The following NAV2 variants were observed in gnomAD, a reference collection of about 807,000 sequenced individuals.
NAV2 encodes helicase, APC down-regulated 1.
In NAV2, 54 loss-of-function variants were observed where a neutral mutation model predicts 223.2. The ratio of observed to expected loss-of-function variants is 0.24; its 90% confidence interval spans 0.19 to 0.30. NAV2 has a LOEUF of 0.30. Among genes scored for constraint, NAV2 ranks in the 10% least tolerant of loss-of-function variants. The pLI is 1.00. For synonymous variants in NAV2, 1,279 were observed against 1,239.3 expected (o/e 1.03, Z -0.67); for missense variants, 2,806 against 3,147.5 (o/e 0.89, Z 2.60).
chr11:19,445,601 A>G (rs1849330806), intron 1 of NAV2, among the ~76,000 whole-genome samples: 2 of 152,200 alleles, frequency 1.3e-5, no homozygotes, highest in Non-Finnish European at 1.5e-5. Context: ...CTCTCGAGCC[A>G]CATCCATTTG....
intron 11 of NAV2, among the ~76,000 whole-genome samples, chr11:20,019,689 T>C (rs886891964): frequency 1.3e-5 from 2 of 151,796 alleles, no homozygotes; most frequent in East Asian, 1.9e-4. Flanking sequence ...CCTAGGAGAT[T>C]GAGAAGCGCA....
At chr11:20,069,303 G>T (rs561688256) in intron 22 of NAV2, among the ~76,000 whole-genome samples, 1 of 152,224 alleles carries the variant, frequency 6.6e-6, no homozygotes, top group South Asian at 2.1e-4. Flanking sequence ...AGTGTCTATG[G>T]CTTGGATGTG....
At chr11:19,679,211 A>G (rs1226833942) in intron 1 of NAV2, among the ~76,000 whole-genome samples, 3 of 152,246 alleles carry the variant, frequency 2.0e-5, no homozygotes, top group Non-Finnish European at 4.4e-5. Context: ...CGGGTGGATC[A>G]CCTGACGTCA....
At chr11:20,028,181 G>T (rs928743212) in intron 11 of NAV2, among the ~76,000 whole-genome samples, 4 of 152,176 alleles carry the variant, frequency 2.6e-5, no homozygotes, top group Admixed American at 2.6e-4. Context: ...CATGATTTAT[G>T]CTTCTTTCAC....
chr11:19,892,478 C>T lies in NAV2; in HGVS notation c.815C>T (p.Ala272Val), dbSNP rs140335443. The change falls in exon 6 of 38, where the codon GCC becomes GTC. Residue 272 changes from alanine to valine, a missense_variant. Ala to Val is a moderately conservative substitution (Grantham distance 64, BLOSUM62 0). Transcript: ENST00000349880. ...AGGGTATCCGCTGCAGGCAGCGAGG[C>T]CAAAACACGCGGAGGGTCAACTACT... ...TARVSAAGSEAKTRGGSTTAN... is the reference protein window; with the variant it reads ...TARVSAAGSEVKTRGGSTTAN... 1.9e-6 allele frequency: 3 copies of T among 1,614,124 alleles called. No homozygotes were observed. The highest frequency in any genetic ancestry group is 2.5e-6 in the Non-Finnish European group (3 of 1,179,992).
intron 1 of NAV2, among the ~76,000 whole-genome samples, chr11:19,501,909 A>T (rs1038323446): frequency 3.3e-5 from 5 of 152,164 alleles, no homozygotes; most frequent in Non-Finnish European, 7.3e-5. Context: ...TCAGGCAGAC[A>T]AAAAGATGCT....
Position 20,095,778 on chromosome 11 carries a change from C to T in NAV2, c.6012+11C>T, listed in dbSNP as rs369196967. The T allele has an allele frequency of 1.2e-6, 2 of 1,604,044 alleles. No individual in the cohort carries two copies. Among genetic ancestry groups the T allele is most frequent in the Non-Finnish European group, 1.7e-6 (2 of 1,170,816 alleles). On this transcript the variant is annotated intron_variant, in intron 30 of 37. Transcript: ENST00000349880. ...AGACGGCTGTTCAAAGTAAGTGTTT[C>T]AAGACAACGGCTACAGCATACTACC... is the stretch of plus-strand genomic sequence containing the variant.
At chr11:19,515,136 A>G (rs565839336) in intron 1 of NAV2, among the ~76,000 whole-genome samples, 1 of 152,348 alleles carries the variant, frequency 6.6e-6, no homozygotes, top group African/African-American at 2.4e-5. Flanking sequence ...GAATGGATGG[A>G]GTGGTAGAGG....
chr11:19,706,855 C>T (rs1230311745), intron 1 of NAV2, among the ~76,000 whole-genome samples: 1 of 152,130 alleles, frequency 6.6e-6, no homozygotes, highest in Non-Finnish European at 1.5e-5. Flanking sequence ...TCATAGAGTA[C>T]ATTTTCACAA....
intron 5 of NAV2, among the ~76,000 whole-genome samples, chr11:19,886,578 G>A (rs75041274): frequency 0.016 from 2,418 of 152,348 alleles, 29 homozygotes; most frequent in Non-Finnish European, 0.025. Flanking sequence ...ACATACATAG[G>A]AAAGGAAAGG....
intron 6 of NAV2, among the ~76,000 whole-genome samples, chr11:19,911,292 G>C (rs2043293987): frequency 6.6e-6 from 1 of 152,160 alleles, no homozygotes; most frequent in South Asian, 2.1e-4. Flanking sequence ...GAGTCAGGAA[G>C]ATATCCTGGA....
chr11:19,951,452 T>C (rs142454534), intron 10 of NAV2, among the ~76,000 whole-genome samples: 1,975 of 152,336 alleles, frequency 0.013, 24 homozygotes, highest in South Asian at 0.029. Flanking sequence ...TTTCACATAA[T>C]GTAATCTTTG....
intron 1 of NAV2, among the ~76,000 whole-genome samples, chr11:19,611,280 G>C (rs1214605565): frequency 6.6e-6 from 1 of 152,152 alleles, no homozygotes; most frequent in African/African-American, 2.4e-5. Flanking sequence ...TACATTTCAA[G>C]TTGAGATTTT....
intron 1 of NAV2, among the ~76,000 whole-genome samples, chr11:19,398,995 T>C (rs1440728668): frequency 6.6e-6 from 1 of 152,224 alleles, no homozygotes; most frequent in East Asian, 1.9e-4. Flanking sequence ...GTTTGCCTAT[T>C]GGCTCTTTTG....
chr11:20,046,009 G>A (rs2057385403), intron 14 of NAV2, among the ~76,000 whole-genome samples: 1 of 152,158 alleles, frequency 6.6e-6, no homozygotes, highest in Non-Finnish European at 1.5e-5. Flanking sequence ...ATACATCTTT[G>A]TAGCTGTGTC....
At chr11:19,492,213 C>T (rs530788918) in intron 1 of NAV2, among the ~76,000 whole-genome samples, 2 of 151,732 alleles carry the variant, frequency 1.3e-5, no homozygotes, top group African/African-American at 4.8e-5. Context: ...GAAGTGAGCA[C>T]ATGCTATTGG....
At chr11:19,420,224 C>T (rs1227833063) in intron 1 of NAV2, among the ~76,000 whole-genome samples, 2 of 151,960 alleles carry the variant, frequency 1.3e-5, no homozygotes, top group East Asian at 1.9e-4. Context: ...TGGAAAAAAA[C>T]AAAATATGGG....
At chr11:20,011,642 G>T (rs2053570557) in intron 11 of NAV2, among the ~76,000 whole-genome samples, 1 of 152,242 alleles carries the variant, frequency 6.6e-6, no homozygotes, top group South Asian at 2.1e-4. Context: ...TAGCTAGACA[G>T]TGTGACTCTA....
chr11:19,408,281 G>A (rs1002218578), intron 1 of NAV2, among the ~76,000 whole-genome samples: 1 of 152,112 alleles, frequency 6.6e-6, no homozygotes, highest in African/African-American at 2.4e-5. Context: ...TATATTCCAT[G>A]TTGCAAGCAG....
Sources: gnomAD v4.1 joint callset for allele counts (sites outside exome capture counted in the v4.1 genomes callset) on GRCh38, gnomAD v4.1.1 for gene constraint, MANE v1.5 for transcripts, NCBI Gene and HGNC (gene_info 2026-07-23, HGNC 2026-07-21) for gene names.